The following NALF1 variants were observed in gnomAD, a reference collection of about 807,000 sequenced individuals.
NALF1 encodes family with sequence similarity 155 member A.
In NALF1, 3 loss-of-function variants were observed where a neutral mutation model predicts 48.4. That is an observed-to-expected ratio of 0.06 (90% CI 0.03 to 0.16). NALF1 has a LOEUF of 0.16. Among genes scored for constraint, NALF1 ranks in the 10% least tolerant of loss-of-function variants. The pLI, the probability that NALF1 is intolerant of heterozygous loss-of-function variation, is 1.00. For missense variants in NALF1, 526 were observed against 571.5 expected (o/e 0.92, Z 0.81); for synonymous variants, 262 against 245.7 (o/e 1.07, Z -0.62).
Position 107,543,948 on chromosome 13 carries a change from A to C in NALF1, c.915+321734T>G, listed in dbSNP as rs192306598. On this transcript the variant is annotated intron_variant, in intron 1 of 2. Coordinates refer to ENST00000375915, the MANE Select transcript of NALF1 (RefSeq NM_001080396.3). ...AGTGTTAAAATATCTATGGTTGATAAAATATTTTTATCATCAATTCTATAT... is the reference window on the plus strand; with the variant it reads ...AGTGTTAAAATATCTATGGTTGATACAATATTTTTATCATCAATTCTATAT... Among the ~76,000 whole-genome samples the C allele has an allele frequency of 2.3e-3, 356 of 152,256 alleles. 2 individuals are homozygous for C. Among genetic ancestry groups the C allele is most frequent in the African/African-American group, 7.9e-3 (329 of 41,570 alleles).
rs192549686 is a variant in NALF1, at chr13:107,678,457, T to G, written c.915+187225A>C. ...GGTGCCTGAGAAGTGAGCAGGGGTG[T>G]CCAAAGAAACAGAGCTGTGTCCTAC... On this transcript the variant is annotated intron_variant, in intron 1 of 2. Coordinates refer to ENST00000375915, the MANE Select transcript of NALF1 (RefSeq NM_001080396.3). 8.5e-5 allele frequency among the ~76,000 whole-genome samples: 13 copies of G among 152,256 alleles called. No individual in the cohort carries two copies. In the East Asian group the frequency reaches 2.5e-3, roughly 30 times the overall value.
intron 1 of NALF1, among the ~76,000 whole-genome samples, chr13:107,502,556 T>C (rs540052417): frequency 7.9e-5 from 12 of 152,270 alleles, no homozygotes; most frequent in African/African-American, 2.6e-4. Context: ...ACAGGTTACC[T>C]TGAACATTCT....
At chr13:107,199,996 C>T (rs1257821231) in intron 2 of NALF1, among the ~76,000 whole-genome samples, 1 of 152,214 alleles carries the variant, frequency 6.6e-6, no homozygotes, top group Non-Finnish European at 1.5e-5. Context: ...CACTAATGAA[C>T]TCATCCAATG....
At chr13:107,202,540 A>G (rs558843403) in intron 2 of NALF1, among the ~76,000 whole-genome samples, 66 of 152,258 alleles carry the variant, frequency 4.3e-4, no homozygotes, top group African/African-American at 1.5e-3. Flanking sequence ...ATTCATCCTA[A>G]GAATCTCACT....
At chr13:107,430,913 C>T (rs1884368805) in intron 1 of NALF1, among the ~76,000 whole-genome samples, 1 of 152,188 alleles carries the variant, frequency 6.6e-6, no homozygotes, top group Non-Finnish European at 1.5e-5. Flanking sequence ...TACAGCCCCA[C>T]CAACAGTGTA....
intron 1 of NALF1, among the ~76,000 whole-genome samples, chr13:107,520,003 A>G (rs1212155851): frequency 6.6e-6 from 1 of 152,224 alleles, no homozygotes; most frequent in Non-Finnish European, 1.5e-5. Flanking sequence ...TTGCGGAAGT[A>G]AAATGAATGC....
chr13:107,325,552 A>G (rs1594120948), intron 1 of NALF1, among the ~76,000 whole-genome samples: 1 of 152,122 alleles, frequency 6.6e-6, no homozygotes, highest in East Asian at 1.9e-4. Context: ...TAAGAATATA[A>G]TCTGGCTGGG....
intron 1 of NALF1, among the ~76,000 whole-genome samples, chr13:107,603,418 T>G (rs1432167744): frequency 6.6e-6 from 1 of 152,206 alleles, no homozygotes; most frequent in South Asian, 2.1e-4. Flanking sequence ...GTTCTTTTTA[T>G]AAATTTGAAG....
intron 1 of NALF1, among the ~76,000 whole-genome samples, chr13:107,811,919 A>G (rs571672940): frequency 2.6e-5 from 4 of 152,322 alleles, no homozygotes; most frequent in South Asian, 4.1e-4. Flanking sequence ...GGACACATTC[A>G]AGCCATAGCA....
intron 1 of NALF1, among the ~76,000 whole-genome samples, chr13:107,515,912 CTA>C (rs1179748237): frequency 6.6e-6 from 1 of 152,066 alleles, no homozygotes; most frequent in Non-Finnish European, 1.5e-5. Flanking sequence ...CAGGCATTGA[CTA>C]TGTCATGAAA....
chr13:107,405,442 C>T (rs1883882838), intron 1 of NALF1, among the ~76,000 whole-genome samples: 3 of 152,100 alleles, frequency 2.0e-5, no homozygotes, highest in South Asian at 2.1e-4. Context: ...CTTGAAGTGG[C>T]CTTTCTGTTG....
intron 1 of NALF1, among the ~76,000 whole-genome samples, chr13:107,769,629 A>G (rs1436611627): frequency 7.9e-5 from 12 of 151,466 alleles, no homozygotes; most frequent in Admixed American, 2.6e-4. Context: ...AGCATGGCAC[A>G]TGTATACATA....
chr13:107,630,736 G>A (rs1225055038), intron 1 of NALF1, among the ~76,000 whole-genome samples: 6 of 117,546 alleles, frequency 5.1e-5, no homozygotes, highest in Admixed American at 1.1e-4. Flanking sequence ...TCTGAAATAC[G>A]GTTTGTAAAA....
intron 1 of NALF1, among the ~76,000 whole-genome samples, chr13:107,379,767 C>A (rs757597362): frequency 2.0e-5 from 3 of 152,208 alleles, no homozygotes; most frequent in Non-Finnish European, 4.4e-5. Flanking sequence ...TCCACACCTG[C>A]TCAGAACTAA....
At chr13:107,495,442 ACT>A (rs1354646741) in intron 1 of NALF1, among the ~76,000 whole-genome samples, 1 of 152,130 alleles carries the variant, frequency 6.6e-6, no homozygotes, top group African/African-American at 2.4e-5. Flanking sequence ...TGCCAAATAG[ACT>A]CTGCTAGTTT....
intron 1 of NALF1, among the ~76,000 whole-genome samples, chr13:107,441,144 C>T (rs1239855252): frequency 2.6e-5 from 4 of 152,180 alleles, no homozygotes; most frequent in Non-Finnish European, 4.4e-5. Context: ...CAGACTGACT[C>T]TATCTCTTGC....
chr13:107,445,233 T>C (rs893908159), intron 1 of NALF1, among the ~76,000 whole-genome samples: 4 of 152,210 alleles, frequency 2.6e-5, no homozygotes, highest in African/African-American at 7.2e-5. Context: ...AGTAGCTCTT[T>C]ACAGCCACCC....
rs991407115 is a variant in NALF1, at chr13:107,288,381, A to G, written c.916-77626T>C. On this transcript the variant is annotated intron_variant, in intron 1 of 2. Coordinates refer to ENST00000375915, the MANE Select transcript of NALF1 (RefSeq NM_001080396.3). ...ATTACAGGCACCCGCCACCACAGCC[A>G]GCTAATTTTTGTATTTTTAGTAGAG... Among the ~76,000 whole-genome samples, 239 of 150,974 alleles carry G rather than the reference A, an allele frequency of 1.6e-3. 1 individual carries two copies. Among genetic ancestry groups the G allele is most frequent in the African/African-American group, 5.6e-3 (232 of 41,114 alleles).
intron 1 of NALF1, among the ~76,000 whole-genome samples, chr13:107,616,413 T>C (rs970209167): frequency 1.3e-5 from 2 of 152,206 alleles, no homozygotes; most frequent in Non-Finnish European, 2.9e-5. Context: ...TCTAAGTGTT[T>C]GGGGTTTTCT....
Sources: gnomAD v4.1 joint callset for allele counts (sites outside exome capture counted in the v4.1 genomes callset) on GRCh38, gnomAD v4.1.1 for gene constraint, MANE v1.5 for transcripts, NCBI Gene and HGNC (gene_info 2026-07-23, HGNC 2026-07-21) for gene names.